STOX2: variants seen among roughly 807,000 people sequenced by gnomAD.
STOX2 encodes storkhead-box protein 2.
Under a neutral mutation model 60.9 loss-of-function variants are expected in STOX2, and 28 were observed. The observed-to-expected ratio is 0.46, with a 90% CI of 0.34 to 0.63. The LOEUF is 0.63. Among genes scored for constraint, STOX2 ranks in the 30% least tolerant of loss-of-function variants. STOX2 has a pLI of 0.01. For synonymous variants in STOX2, 472 were observed against 463.9 expected (o/e 1.02, Z -0.22); for missense variants, 1,024 against 1,187.7 (o/e 0.86, Z 2.03).
Position 184,017,242 on chromosome 4 carries a change from G to A in STOX2, c.2739G>A (p.Gln913=). The change falls in exon 4 of 4, where the codon CAG becomes CAA. Residue 913 remains glutamine, a synonymous_variant. Transcript: ENST00000308497. ...CGACAAATGAAGCTGAGAAGCTACA[G>A]AAACCTTCCAACTGCTTGCAAGCTT... The part of the protein sequence containing the change: ...EPPTNEAEKL[Q]KPSNCLQASV... 2 of 1,605,876 alleles carry A rather than the reference G, an allele frequency of 1.2e-6. No individual in the cohort carries two copies. The highest frequency in any genetic ancestry group is 1.7e-6 in the Non-Finnish European group (2 of 1,176,006).
At chr4:183,999,741 C>T (rs4862281) in intron 1 of STOX2, among the ~76,000 whole-genome samples, 124,685 of 152,096 alleles carry the variant, frequency 0.82, 51,199 homozygotes, top group Non-Finnish European at 0.83. Context: ...CCATTTCTCT[C>T]CTAGCCCATC....
At chr4:183,901,597 A>G (rs112721154), upstream of STOX2, among the ~76,000 whole-genome samples, 21 of 140,376 alleles carry the variant, frequency 1.5e-4, no homozygotes, top group African/African-American at 5.4e-4. Context: ...GTTTTTGGGT[A>G]TTTTTTTTTT....
At chr4:183,823,965 T>A (rs1315114604) in intron 1 of STOX2, among the ~76,000 whole-genome samples, 1 of 150,616 alleles carries the variant, frequency 6.6e-6, no homozygotes, top group Non-Finnish European at 1.5e-5. Context: ...CAGGTCTTGA[T>A]CTTTTTCCCA....
At chr4:183,889,714 G>C (rs1263615619) in intron 1 of STOX2, among the ~76,000 whole-genome samples, 1 of 152,188 alleles carries the variant, frequency 6.6e-6, no homozygotes, top group Non-Finnish European at 1.5e-5. Context: ...GGGTCTGCTG[G>C]GGCACGGCAG....
At position 184,021,739 on chromosome 4, in the gene STOX2, A is replaced by G. The variant is rs148294670; in HGVS notation, c.*4455A>G. On this transcript the variant is annotated 3_prime_UTR_variant, in exon 4 of 4. Coordinates refer to ENST00000308497, the MANE Select transcript of STOX2 (RefSeq NM_020225.3). ...GCTTGGCACCATAGAAAATCAGTAC[A>G]ATATATCGAGCCCTACTTTGGAGGA... The G allele has an allele frequency of 3.9e-4, 60 of 152,352 alleles. No individual in the cohort carries two copies. Among genetic ancestry groups the G allele is most frequent in the Middle Eastern group, 3.4e-3 (1 of 294 alleles). 9.4% of individuals were successfully genotyped at this position (152,352 alleles called of 1,614,324 possible).
At chr4:184,002,746 C>T (rs902938325) in intron 2 of STOX2, among the ~76,000 whole-genome samples, 87 of 152,298 alleles carry the variant, frequency 5.7e-4, no homozygotes, top group Non-Finnish European at 2.5e-4. Flanking sequence ...GGAAGTGCAC[C>T]CCACACATGG....
intron 1 of STOX2, among the ~76,000 whole-genome samples, chr4:183,817,029 T>C (rs1280717884): frequency 2.0e-5 from 3 of 152,210 alleles, no homozygotes; most frequent in Non-Finnish European, 4.4e-5. Context: ...TGAGCTCTGA[T>C]AGTTGCAATT....
At chr4:183,953,837 A>T (rs1047462340) in intron 1 of STOX2, among the ~76,000 whole-genome samples, 2 of 152,072 alleles carry the variant, frequency 1.3e-5, no homozygotes, top group Non-Finnish European at 1.5e-5. Context: ...AAGTGCTGGG[A>T]TTATGGGCAT....
chr4:183,997,818 A>G (rs565321082), intron 1 of STOX2, among the ~76,000 whole-genome samples: 26 of 152,316 alleles, frequency 1.7e-4, no homozygotes, highest in African/African-American at 6.3e-4. Flanking sequence ...CTGAGTTAAA[A>G]GTTATTGCCC....
At chr4:183,800,933 G>A (rs139246999) in intron 1 of STOX2, among the ~76,000 whole-genome samples, 6 of 152,170 alleles carry the variant, frequency 3.9e-5, no homozygotes, top group East Asian at 1.9e-4. Flanking sequence ...GGCAAGCCCC[G>A]GTGCTTTTGT....
intron 1 of STOX2, among the ~76,000 whole-genome samples, chr4:183,855,505 T>G (rs1373720847): frequency 2.6e-5 from 4 of 152,170 alleles, no homozygotes; most frequent in Non-Finnish European, 5.9e-5. Flanking sequence ...TCCTGGAAAG[T>G]GTAACTTATG....
At chr4:183,832,232 C>T (rs939343118) in intron 1 of STOX2, among the ~76,000 whole-genome samples, 37 of 151,680 alleles carry the variant, frequency 2.4e-4, no homozygotes, top group Non-Finnish European at 2.8e-4. Context: ...TCAGGTGGTC[C>T]GCCCACCATG....
At chr4:183,967,298 G>A (rs937016541) in intron 1 of STOX2, among the ~76,000 whole-genome samples, 3 of 151,844 alleles carry the variant, frequency 2.0e-5, no homozygotes, top group African/African-American at 4.8e-5. Flanking sequence ...CCCGGGAGGC[G>A]GAGGTTGCAG....
intron 1 of STOX2, among the ~76,000 whole-genome samples, chr4:183,892,334 A>G (rs146408030): frequency 3.9e-5 from 6 of 152,152 alleles, no homozygotes; most frequent in Non-Finnish European, 8.8e-5. Flanking sequence ...GCTGGAGTGC[A>G]GTGGCGCGAT....
chr4:183,944,286 A>AGCACC (rs1416363828), intron 1 of STOX2, among the ~76,000 whole-genome samples: 1 of 152,238 alleles, frequency 6.6e-6, no homozygotes, highest in Non-Finnish European at 1.5e-5. Context: ...TCTTACTTTT[A>AGCACC]GCACCACTGC....
At chr4:183,798,191 C>T (rs1034577836) in intron 1 of STOX2, 17 of 879,256 alleles carry the variant, frequency 1.9e-5, no homozygotes, top group Middle Eastern at 4.1e-4. Context: ...GCGTCCCTGC[C>T]GGGGGAGGAG....
chr4:183,883,859 T>A (rs765075601), intron 1 of STOX2, among the ~76,000 whole-genome samples: 15 of 148,444 alleles, frequency 1.0e-4, no homozygotes, highest in African/African-American at 2.0e-4. Flanking sequence ...AATTTTATTT[T>A]ATTTTTTTTT....
At chr4:183,898,415 C>T (rs1741388989) in intron 1 of STOX2, among the ~76,000 whole-genome samples, 1 of 152,134 alleles carries the variant, frequency 6.6e-6, no homozygotes, top group African/African-American at 2.4e-5. Context: ...AAAGATGATA[C>T]ATTTTGTGGA....
chr4:183,936,444 G>T (rs1742594217), intron 1 of STOX2, among the ~76,000 whole-genome samples: 1 of 150,862 alleles, frequency 6.6e-6, no homozygotes, highest in African/African-American at 2.4e-5. Flanking sequence ...AGTGGATCAT[G>T]AGTTTATTGG....
Sources: allele counts gnomAD v4.1 joint callset (sites outside exome capture counted in the v4.1 genomes callset), GRCh38; gene constraint gnomAD v4.1.1; transcripts MANE v1.5; gene names NCBI Gene and HGNC (gene_info 2026-07-23, HGNC 2026-07-21).